Variants in MED12L observed in about 807,000 individuals in gnomAD.
MED12L encodes the protein mediator complex subunit 12L, also known as mediator of RNA polymerase II transcription subunit 12-like protein.
Under a neutral mutation model 281.3 loss-of-function variants are expected in MED12L, and 60 were observed. That is an observed-to-expected ratio of 0.21 (90% CI 0.17 to 0.26). MED12L has a LOEUF of 0.26. Ranked by LOEUF, MED12L falls within the 10% of genes least tolerant of loss-of-function variation. The probability of loss-of-function intolerance (pLI) is 1.00; values close to 1 mark genes in which losing one functional copy is unlikely to be tolerated. For synonymous variants in MED12L, 974 were observed against 987.2 expected, an observed-to-expected ratio of 0.99 and a Z score of 0.25; for missense variants, 2,146 against 2,680.9, an observed-to-expected ratio of 0.80 and a Z score of 4.41.
At chr3:151,174,655 A>G (rs1018616086) in intron 11 of MED12L, among the ~76,000 whole-genome samples, 3 of 152,240 alleles carry the variant, frequency 2.0e-5, no homozygotes, top group African/African-American at 7.2e-5. Flanking sequence ...TCAGTCAGAA[A>G]TCAGCCACCT....
At chr3:151,150,169 G>A (rs1266759729) in intron 5 of MED12L, among the ~76,000 whole-genome samples, 2 of 152,176 alleles carry the variant, frequency 1.3e-5, no homozygotes, top group Non-Finnish European at 2.9e-5. Context: ...ATCTGTGGCA[G>A]CTATGGCCTA....
intron 16 of MED12L, among the ~76,000 whole-genome samples, chr3:151,227,780 A>G (rs1285618728): frequency 1.3e-5 from 2 of 152,194 alleles, no homozygotes; most frequent in Non-Finnish European, 2.9e-5. Flanking sequence ...TTTGCCTATA[A>G]TGATTGGAAT....
intron 39 of MED12L, among the ~76,000 whole-genome samples, chr3:151,400,517 C>T (rs191305398): frequency 1.4e-4 from 22 of 152,224 alleles, no homozygotes; most frequent in South Asian, 4.1e-4. Context: ...GTACATGTAG[C>T]GACTTGTAAA....
intron 5 of MED12L, among the ~76,000 whole-genome samples, chr3:151,155,482 G>A (rs1719152918): frequency 6.6e-6 from 1 of 152,172 alleles, no homozygotes; most frequent in Non-Finnish European, 1.5e-5. Flanking sequence ...TGAGTTTTGA[G>A]ACACTTGGTG....
At chr3:151,317,572 T>C (rs1748449130) in intron 16 of MED12L, among the ~76,000 whole-genome samples, 1 of 148,182 alleles carries the variant, frequency 6.7e-6, no homozygotes, top group Admixed American at 6.9e-5. Flanking sequence ...TGCCTCAGCC[T>C]CCTGAGTAGG....
intron 16 of MED12L, among the ~76,000 whole-genome samples, chr3:151,241,605 GTT>G (rs1734092149): frequency 1.3e-5 from 2 of 151,862 alleles, no homozygotes; most frequent in Non-Finnish European, 1.5e-5. Context: ...TTCACAGTGG[GTT>G]ATATATATGT....
intron 16 of MED12L, chr3:151,328,300 C>T: frequency 1.2e-6 from 2 of 1,613,904 alleles, no homozygotes; most frequent in Non-Finnish European, 1.7e-6. Context: ...TGCCTTCCAG[C>T]TTTTTGTTGT....
At chr3:151,408,796 G>C (rs1716629352) in intron 39 of MED12L, among the ~76,000 whole-genome samples, 1 of 152,218 alleles carries the variant, frequency 6.6e-6, no homozygotes, top group Non-Finnish European at 1.5e-5. Context: ...TAGGCAATTA[G>C]TAGGTCACTG....
At chr3:151,126,507 C>T (rs1026064713) in intron 4 of MED12L, among the ~76,000 whole-genome samples, 2 of 152,100 alleles carry the variant, frequency 1.3e-5, no homozygotes, top group Non-Finnish European at 2.9e-5. Flanking sequence ...ACACTTTGTA[C>T]CAAGTGTGTG....
chr3:151,105,590 A>C (rs1463172075), intron 2 of MED12L, among the ~76,000 whole-genome samples: 2 of 152,140 alleles, frequency 1.3e-5, no homozygotes, highest in African/African-American at 4.8e-5. Flanking sequence ...ACACTGTCTC[A>C]GTCTTTTTTG....
intron 3 of MED12L, among the ~76,000 whole-genome samples, chr3:151,118,789 G>A (rs1456499828): frequency 1.3e-5 from 2 of 152,018 alleles, no homozygotes; most frequent in African/African-American, 4.8e-5. Flanking sequence ...TGCCTTTCAG[G>A]TTCAAGCCAT....
chr3:151,214,129 A>T (rs889441766), intron 16 of MED12L: 1 of 1,614,010 alleles, frequency 6.2e-7, no homozygotes, highest in African/African-American at 1.3e-5. Context: ...AGCAATAACA[A>T]TGTTCTTGAG....
intron 39 of MED12L, among the ~76,000 whole-genome samples, chr3:151,406,804 T>TC (rs1211169149): frequency 4.0e-5 from 3 of 75,856 alleles, no homozygotes; most frequent in Non-Finnish European, 3.9e-5. Flanking sequence ...TTCTTCTTCT[T>TC]TTTTTTTTTT....
chr3:151,195,290 C>A (rs1259753032), intron 16 of MED12L, among the ~76,000 whole-genome samples: 2 of 152,102 alleles, frequency 1.3e-5, no homozygotes, highest in Non-Finnish European at 2.9e-5. Context: ...TTTGGAATAT[C>A]TCCTGAAATG....
chr3:151,139,681 G>C (rs1283886189), intron 5 of MED12L, among the ~76,000 whole-genome samples: 1 of 152,166 alleles, frequency 6.6e-6, no homozygotes, highest in Non-Finnish European at 1.5e-5. Context: ...AGAGCTGAAT[G>C]TTCATCATCT....
At chr3:151,279,925 T>G (rs1260377301) in intron 16 of MED12L, among the ~76,000 whole-genome samples, 4 of 152,152 alleles carry the variant, frequency 2.6e-5, no homozygotes, top group Non-Finnish European at 5.9e-5. Context: ...CTTCTTGACT[T>G]CCCCGTGGGG....
At chr3:151,127,796 TATAA>T in intron 4 of MED12L, 25 bp from the exon 5 acceptor site, 1 of 1,511,006 alleles carries the variant, frequency 6.6e-7, no homozygotes, top group South Asian at 1.1e-5. Flanking sequence ...ACGTGATTAT[TATAA>T]ATATACTATG....
At chr3:151,414,599 G>A (rs1577595894) in intron 42 of MED12L, among the ~76,000 whole-genome samples, 1 of 152,252 alleles carries the variant, frequency 6.6e-6, no homozygotes, top group East Asian at 1.9e-4. Flanking sequence ...TAGTGCCCAG[G>A]TGACAGGCAA....
At chr3:151,351,953 G>A (rs769499487) in intron 17 of MED12L, among the ~76,000 whole-genome samples, 16 of 152,290 alleles carry the variant, frequency 1.1e-4, no homozygotes, top group African/African-American at 2.6e-4. Flanking sequence ...TTGTTGTTCT[G>A]TGCTGCCTTT....
Sources: gnomAD v4.1 joint callset for allele counts (sites outside exome capture counted in the v4.1 genomes callset) on GRCh38, gnomAD v4.1.1 for gene constraint, MANE v1.5 for transcripts, NCBI Gene and HGNC (gene_info 2026-07-23, HGNC 2026-07-21) for gene names.